The following UNC13C variants were observed in gnomAD, a reference collection of about 807,000 sequenced individuals.
UNC13C encodes the protein unc-13 homolog C.
Under a neutral mutation model 245.4 loss-of-function variants are expected in UNC13C, and 174 were observed. The observed-to-expected ratio is 0.71, with a 90% CI of 0.63 to 0.80. The LOEUF is 0.80. Ranked by LOEUF, UNC13C falls within the 30% of genes least tolerant of loss-of-function variation. UNC13C has a pLI of 0.00. For synonymous variants in UNC13C, 992 were observed against 895.1 expected, an observed-to-expected ratio of 1.11 and a Z score of -1.93; for missense variants, 2,829 against 2,602.9, an observed-to-expected ratio of 1.09 and a Z score of -1.89.
intron 2 of UNC13C, among the ~76,000 whole-genome samples, chr15:54,084,510 A>G (rs1269736482): frequency 1.3e-5 from 2 of 152,226 alleles, no homozygotes; most frequent in African/African-American, 4.8e-5. Flanking sequence ...TTCAAAAGTC[A>G]GGGGTCCTGG....
At chr15:54,452,850 A>G (rs1258274964) in intron 19 of UNC13C, among the ~76,000 whole-genome samples, 1 of 152,122 alleles carries the variant, frequency 6.6e-6, no homozygotes, top group East Asian at 1.9e-4. Flanking sequence ...GTGCATGAAA[A>G]CGCACAGCAG....
the UNC13C span, among the ~76,000 whole-genome samples, chr15:53,928,617 C>G: frequency 6.6e-6 from 1 of 152,144 alleles, no homozygotes; most frequent in Non-Finnish European, 1.5e-5. Context: ...TATTTAGACT[C>G]TCCTGGAAGG....
In UNC13C at chr15:54,264,335, G is replaced by A. The variant is rs2036500781; in HGVS notation, c.3616G>A (p.Ala1206Thr). The change falls in exon 9 of 33, where the codon GCG (alanine) becomes ACG (threonine). Residue 1206 changes from alanine to threonine, a missense_variant. Transcript: ENST00000260323. ...AGAAGATTTTGTGCAGTTTACAAAG[G>A]CGGCCAAACAGAGTGTACTGGATGG... ...SKEDFVQFTKAAKQSVLDGTS... is the reference protein window; with the variant it reads ...SKEDFVQFTKTAKQSVLDGTS... The A allele has an allele frequency of 3.1e-6, 5 of 1,606,772 alleles. No homozygotes were observed. The highest frequency in any genetic ancestry group is 2.2e-5 in the East Asian group (1 of 44,762).
the UNC13C span, among the ~76,000 whole-genome samples, chr15:53,838,450 T>G: frequency 6.6e-6 from 1 of 152,046 alleles, no homozygotes; most frequent in Non-Finnish European, 1.5e-5. Context: ...TTTATCAGGT[T>G]AAATGTGCTC....
Position 54,222,628 on chromosome 15 carries a change from C to T in UNC13C, c.3072-12402C>T, listed in dbSNP as rs144069693. Among the ~76,000 whole-genome samples the T allele has an allele frequency of 7.2e-3, 1,091 of 152,148 alleles. 14 individuals carry two copies. The highest frequency in any genetic ancestry group is 0.025 in the African/African-American group (1,042 of 41,526). ...ATACCTAGCAGTGAGATTGCTGGGT[C>T]ATATGGTAGTTCTATTTTCAGTTTT... On this transcript the variant is annotated intron_variant, in intron 4 of 32. Transcript: ENST00000260323.
At chr15:54,601,286 G>T (rs1395801733) in intron 30 of UNC13C, among the ~76,000 whole-genome samples, 1 of 152,134 alleles carries the variant, frequency 6.6e-6, no homozygotes, top group Non-Finnish European at 1.5e-5. Context: ...AGGGTAATAG[G>T]GTCTTTAATG....
intron 4 of UNC13C, among the ~76,000 whole-genome samples, chr15:54,162,208 G>A (rs1348957965): frequency 1.3e-5 from 2 of 152,096 alleles, no homozygotes; most frequent in Admixed American, 1.3e-4. Context: ...ACTGCAAAAG[G>A]GTTAAGGTGA....
chr15:54,475,437 C>T (rs1892682929), intron 19 of UNC13C, among the ~76,000 whole-genome samples: 2 of 151,666 alleles, frequency 1.3e-5, no homozygotes. Flanking sequence ...AGGTATATCT[C>T]CTAATGCTAT....
Position 54,627,267 on chromosome 15 carries a change from T to C in UNC13C, c.*154T>C, listed in dbSNP as rs1248675602. On this transcript the variant is annotated 3_prime_UTR_variant, in exon 33 of 33. Transcript: ENST00000260323. ...ATGTAAAAAACCTGCTGAACTTTTA[T>C]ACCAATTCTGGTCTTTGGGAAATCA... The C allele has an allele frequency of 5.4e-6, 4 of 740,030 alleles. No individual in the cohort carries two copies. The highest frequency in any genetic ancestry group is 8.1e-6 in the Non-Finnish European group (4 of 496,538). 45.8% of individuals were successfully genotyped at this position (740,030 alleles called of 1,614,324 possible). A position where few individuals can be genotyped will look rare whatever the true frequency, so the allele number is the denominator to read the frequency against.
chr15:54,465,433 G>A (rs890590181), intron 19 of UNC13C, among the ~76,000 whole-genome samples: 16 of 151,974 alleles, frequency 1.1e-4, no homozygotes, highest in African/African-American at 3.9e-4. Flanking sequence ...AAGGATCTGA[G>A]TTATAGACTG....
chr15:53,915,387 G>C, the UNC13C span, among the ~76,000 whole-genome samples: 1 of 152,204 alleles, frequency 6.6e-6, no homozygotes, highest in Admixed American at 6.5e-5. Context: ...CAACCGGGCT[G>C]TAGAGAAGAC....
At chr15:54,489,889 G>GAGTT (rs1256964468) in intron 19 of UNC13C, among the ~76,000 whole-genome samples, 1 of 152,156 alleles carries the variant, frequency 6.6e-6, no homozygotes, top group Non-Finnish European at 1.5e-5. Flanking sequence ...CTCAAGATCA[G>GAGTT]ACTTGTATCA....
intron 4 of UNC13C, among the ~76,000 whole-genome samples, chr15:54,232,210 A>G (rs537935882): frequency 5.7e-4 from 87 of 152,128 alleles, no homozygotes; most frequent in Non-Finnish European, 9.7e-4. Context: ...TGAGAAGGCT[A>G]TGTTTTGAGG....
intron 7 of UNC13C, 121 bp from the exon 8 acceptor site, chr15:54,250,104 A>G: frequency 1.1e-6 from 1 of 875,222 alleles, no homozygotes; most frequent in Admixed American, 2.1e-5. Flanking sequence ...TGAATCAGTG[A>G]TCCAGGGGCT....
intron 19 of UNC13C, among the ~76,000 whole-genome samples, chr15:54,426,619 C>G: frequency 6.6e-6 from 1 of 151,748 alleles, no homozygotes; most frequent in Admixed American, 6.6e-5. Flanking sequence ...GGGAAGGGGA[C>G]TACCCCAGAG....
At chr15:54,393,000 C>A in intron 17 of UNC13C, 48 bp from the exon 18 acceptor site, 2 of 1,471,986 alleles carry the variant, frequency 1.4e-6, no homozygotes, top group South Asian at 3.1e-5. Context: ...TAACTAAAGT[C>A]ATCCCATTTA....
At chr15:54,154,710 G>A (rs2032667365) in intron 4 of UNC13C, among the ~76,000 whole-genome samples, 1 of 152,178 alleles carries the variant, frequency 6.6e-6, no homozygotes, top group Non-Finnish European at 1.5e-5. Context: ...TGCTGACAGA[G>A]GCTTTGCCTT....
At chr15:53,874,827 G>A in the UNC13C span, among the ~76,000 whole-genome samples, 1 of 152,282 alleles carries the variant, frequency 6.6e-6, no homozygotes, top group East Asian at 1.9e-4. Flanking sequence ...TAGGCGCGGT[G>A]GCTCACGCCT....
In UNC13C at chr15:54,551,473, C is replaced by G. The variant is rs544262898; in HGVS notation, c.5877+1782C>G. 5.3e-5 allele frequency among the ~76,000 whole-genome samples: 8 copies of G among 152,124 alleles called. No homozygotes were observed. In the South Asian group the frequency reaches 1.5e-3, roughly 28 times the overall value. On this transcript the variant is annotated intron_variant, in intron 28 of 32. Transcript: ENST00000260323. ...CAACCCAATCCAAATCCTATGAACT[C>G]TGATCGAGATAGAGACTGGTTCCCT...
Sources: gnomAD v4.1 joint callset for allele counts (sites outside exome capture counted in the v4.1 genomes callset) on GRCh38, gnomAD v4.1.1 for gene constraint, MANE v1.5 for transcripts, NCBI Gene and HGNC (gene_info 2026-07-23, HGNC 2026-07-21) for gene names.